The following IGSF6 variants were observed in gnomAD, a reference collection of about 807,000 sequenced individuals.
IGSF6 encodes the protein immunoglobulin superfamily member 6, also known as down-regulated by activation (immunoglobulin superfamily).
IGSF6 carries 23 observed loss-of-function variants against 24.7 expected under a neutral mutation model. The observed-to-expected ratio is 0.93, with a 90% CI of 0.67 to 1.32. IGSF6 has a LOEUF of 1.32. Ranked by LOEUF, IGSF6 falls within the 40% of genes most tolerant of loss-of-function variation. The pLI is 0.00. For synonymous variants in IGSF6, 110 were observed against 113.7 expected (o/e 0.97, Z 0.21); for missense variants, 295 against 293.6 (o/e 1.00, Z -0.04).
At position 21,651,851 on chromosome 16, in the gene IGSF6, A is replaced by G. The variant is rs145442750; in HGVS notation, c.67+681T>C. 266 of 152,190 alleles carry G rather than the reference A, an allele frequency of 1.7e-3. 2 individuals are homozygous for G. Among genetic ancestry groups the G allele is most frequent in the African/African-American group, 6.1e-3 (251 of 41,452 alleles). The allele number at this position is 152,190 out of a possible 1,614,324, so 9.4% of individuals were successfully genotyped here. A position where few individuals can be genotyped will look rare whatever the true frequency, so the allele number is the denominator to read the frequency against. On this transcript the variant is annotated intron_variant, in intron 1 of 5. Transcript: ENST00000268389. ...AAAATAGTCTATGAAAGTAATATAT[A>G]CTTATTAGCAAAAAACAGGTTATTA...
chr16:21,644,453 ACATGTGTAAAGTATCCTT>A (rs1966368525), intron 2 of IGSF6, 57 bp from the exon 3 acceptor site: 1 of 1,227,274 alleles, frequency 8.1e-7, no homozygotes, highest in African/African-American at 1.5e-5. Context: ...TCTTTCAAAT[ACATGTGTAAAGTATCCTT>A]CACACTGCGT....
rs6497559 is a variant in IGSF6, at chr16:21,640,639, T to C, written c.*895A>G. The C allele has an allele frequency of 0.96, 140,142 of 146,570 alleles. 67,042 individuals are homozygous for C. Among genetic ancestry groups the C allele is most frequent in the East Asian group, 1 (5,042 of 5,044 alleles). 9.1% of individuals were successfully genotyped at this position (146,570 alleles called of 1,614,324 possible). On this transcript the variant is annotated 3_prime_UTR_variant, in exon 6 of 6. Transcript: ENST00000268389. ...AAAATTAGCCGGGCGTGGTGGTGCGTACCTGTAATCCCAGCTACTTGGGAA... is the reference window on the plus strand; with the variant it reads ...AAAATTAGCCGGGCGTGGTGGTGCGCACCTGTAATCCCAGCTACTTGGGAA...
chr16:21,647,168 T>C lies in IGSF6; in HGVS notation c.392A>G (p.Lys131Arg), dbSNP rs144045651. ...AFPSVPEARA[K>R]QTGGGTTLVV... ...CAGTGTGGTCCCTCCTCCTGTCTGT[T>C]TAGCTCTCGCTTCCGGCACACTGGG... The change falls in exon 2 of 6, where the codon AAA becomes AGA. Residue 131 changes from lysine (K) to arginine (R), a missense_variant. Coordinates refer to ENST00000268389, the MANE Select transcript of IGSF6 (RefSeq NM_005849.4). 5.0e-6 allele frequency: 8 copies of C among 1,614,050 alleles called. No homozygotes were observed. In the African/African-American group the frequency reaches 1.1e-4, roughly 22 times the overall value.
intron 1 of IGSF6, among the ~76,000 whole-genome samples, chr16:21,651,416 T>TCCC (rs1208947095): frequency 1.3e-5 from 2 of 152,034 alleles, no homozygotes; most frequent in Non-Finnish European, 2.9e-5. Context: ...TGCCTCAGCC[T>TCCC]CCCAGGTGGG....
rs113376697 is a variant in IGSF6, at chr16:21,639,925, T to TTTTATTTATTTATTTATTTA, written c.*1589_*1608dup. On this transcript the variant is annotated 3_prime_UTR_variant, in exon 6 of 6. Transcript: ENST00000268389. ...ATACCAGTTTAAAAGAAACACTTTA[T>TTTTATTTATTTATTTATTTA]TTTATTTATTTATTTATTTATTTAT... is the stretch of plus-strand genomic sequence containing the variant. 3.0e-4 allele frequency: 46 copies of TTTTATTTATTTATTTATTTA among 151,252 alleles called. No homozygotes were observed. The East Asian group carries it at 7.1e-3, about 23-fold the overall frequency. 9.4% of individuals were successfully genotyped at this position (151,252 alleles called of 1,614,324 possible). A position where few individuals can be genotyped will look rare whatever the true frequency, so the allele number is the denominator to read the frequency against.
At chr16:21,643,741 A>G (rs1461519022) in intron 3 of IGSF6, 143 bp from the exon 4 acceptor site, 2 of 597,716 alleles carry the variant, frequency 3.3e-6, no homozygotes, top group African/African-American at 3.7e-5. Context: ...CATTTTTGAG[A>G]TGCTTTTACT....
rs750798170 is a variant in IGSF6 at position 21,647,127 on chromosome 16, A to C, written c.427+6T>G. On this transcript the variant is annotated splice_donor_region_variant and intron_variant, in intron 2 of 5. Transcript: ENST00000268389. ...GATGCACTGAAATAAAGCCTCGCTGACTGACCTCTTACCACCAGTGTGGTC... is the reference window on the plus strand; with the variant it reads ...GATGCACTGAAATAAAGCCTCGCTGCCTGACCTCTTACCACCAGTGTGGTC... 1 of 1,614,180 alleles carries C rather than the reference A, an allele frequency of 6.2e-7. No individual in the cohort carries two copies. The highest frequency in any genetic ancestry group is 1.1e-5 in the South Asian group (1 of 91,080).
At chr16:21,641,872 G>A (rs1446723876) in intron 5 of IGSF6, among the ~76,000 whole-genome samples, 5 of 151,820 alleles carry the variant, frequency 3.3e-5, no homozygotes, top group Admixed American at 6.6e-5. Context: ...CACATACCTC[G>A]GCCTTGTTGT....
chr16:21,641,724 G>A (rs538012389), intron 5 of IGSF6, 131 bp from the exon 6 acceptor site: 22 of 487,370 alleles, frequency 4.5e-5, no homozygotes, highest in Non-Finnish European at 7.7e-5. Flanking sequence ...AATCTTAAAG[G>A]CCAGATTACC....
At position 21,643,572 on chromosome 16, in the gene IGSF6, T is replaced by C; in HGVS notation, c.561A>G (p.Lys187=). Residue 187 remains lysine, a synonymous_variant, in exon 4 of 6, where the codon AAA becomes AAG. Coordinates refer to ENST00000268389, the MANE Select transcript of IGSF6 (RefSeq NM_005849.4). The part of the protein sequence containing the change: ...SKSKSNPLRN[K]EIKEDSQKKK... Reference sequence around the variant, plus strand: ...CCTTTTGTGAGTCTTCTTTTATTTCTTTGTTTCTTAGAGGGTTGGATTTTG... The same window carrying C: ...CCTTTTGTGAGTCTTCTTTTATTTCCTTGTTTCTTAGAGGGTTGGATTTTG... The C allele has an allele frequency of 6.2e-7, 1 of 1,607,406 alleles. No homozygotes were observed. Among genetic ancestry groups the C allele is most frequent in the Non-Finnish European group, 8.5e-7 (1 of 1,174,990 alleles).
At chr16:21,644,055 G>A (rs1474308005) in intron 3 of IGSF6, among the ~76,000 whole-genome samples, 1 of 152,054 alleles carries the variant, frequency 6.6e-6, no homozygotes, top group African/African-American at 2.4e-5. Context: ...ATGCTACTGG[G>A]CTTTAAAGAG....
At chr16:21,652,475 G>A in intron 1 of IGSF6, 57 bp downstream of exon 1, 2 of 1,348,586 alleles carry the variant, frequency 1.5e-6, no homozygotes, top group Non-Finnish European at 2.1e-6. Flanking sequence ...AATGCATTAG[G>A]TGAAAAATAG....
chr16:21,641,602 A>C lies in IGSF6; in HGVS notation c.667-9T>G. ...GTGTTGTTATCTTTCTCCTGCAATA[A>C]TAAATAAATAGAAAGCCATGTTTAA... On this transcript the variant is annotated splice_polypyrimidine_tract_variant and intron_variant, in intron 5 of 5. Coordinates refer to ENST00000268389, the MANE Select transcript of IGSF6 (RefSeq NM_005849.4). The C allele has an allele frequency of 6.5e-7, 1 of 1,537,318 alleles. No individual in the cohort carries two copies.
At position 21,640,868 on chromosome 16, in the gene IGSF6, C is replaced by T. The variant is rs1966244920; in HGVS notation, c.*666G>A. 6.6e-6 allele frequency: 1 copy of T among 151,896 alleles called. No homozygotes were observed. Among genetic ancestry groups the T allele is most frequent in the Non-Finnish European group, 1.5e-5 (1 of 68,002 alleles). 9.4% of individuals were successfully genotyped at this position (151,896 alleles called of 1,614,324 possible). ...TCCCTGGTGCTGTTATTTGGCACAA[C>T]ACTGACATCTAGAGTCCGTTGTGGC... On this transcript the variant is annotated 3_prime_UTR_variant, in exon 6 of 6. Transcript: ENST00000268389.
Position 21,647,177 on chromosome 16 carries a change from G to A in IGSF6, c.383C>T (p.Ala128Val), listed in dbSNP as rs147257312. Residue 128 changes from alanine to valine, a missense_variant, in exon 2 of 6, where the codon GCG becomes GTG. Physicochemically the swap from Ala to Val is moderately conservative, Grantham distance 64. Coordinates refer to ENST00000268389, the MANE Select transcript of IGSF6 (RefSeq NM_005849.4). ...CGIAFPSVPE[A>V]RAKQTGGGTT... ...CCCTCCTCCTGTCTGTTTAGCTCTC[G>A]CTTCCGGCACACTGGGGAATGCTAT... 2.8e-3 allele frequency: 4,541 copies of A among 1,614,090 alleles called. 15 individuals carry two copies. The highest frequency in any genetic ancestry group is 3.6e-3 in the Non-Finnish European group (4,249 of 1,180,012).
chr16:21,650,368 TGTG>T (rs1966536643), intron 1 of IGSF6, among the ~76,000 whole-genome samples: 1 of 151,344 alleles, frequency 6.6e-6, no homozygotes. Flanking sequence ...ATTAGCCAGG[TGTG>T]GTGGTGGACG....
intron 4 of IGSF6, 34 bp downstream of exon 4, chr16:21,643,514 A>G (rs371571058): frequency 1.4e-6 from 2 of 1,384,690 alleles, no homozygotes; most frequent in Middle Eastern, 1.8e-4. Flanking sequence ...ACCAGCCACA[A>G]TTTAAAAAAT....
chr16:21,645,424 T>C (rs1194658628), intron 2 of IGSF6, among the ~76,000 whole-genome samples: 3 of 151,946 alleles, frequency 2.0e-5, no homozygotes, highest in Non-Finnish European at 2.9e-5. Flanking sequence ...GCCACGGCAC[T>C]CCAGCCCGGG....
At chr16:21,650,514 A>C (rs1335485991) in intron 1 of IGSF6, among the ~76,000 whole-genome samples, 2 of 151,658 alleles carry the variant, frequency 1.3e-5, no homozygotes, top group African/African-American at 4.8e-5. Flanking sequence ...GTCTCAAAAA[A>C]AAAAAAAAAA....
Sources: allele counts gnomAD v4.1 joint callset (sites outside exome capture counted in the v4.1 genomes callset), GRCh38; gene constraint gnomAD v4.1.1; transcripts MANE v1.5; gene names NCBI Gene and HGNC (gene_info 2026-07-23, HGNC 2026-07-21).